Variants in AGMO observed in about 807,000 individuals in gnomAD.
AGMO encodes glyceryl-ether monooxygenase.
A neutral mutation model predicts 60.2 loss-of-function variants in AGMO; 75 were observed. The observed-to-expected ratio is 1.25, with a 90% CI of 1.03 to 1.51. AGMO has a LOEUF of 1.51. AGMO is among the 40% of genes most tolerant of loss of function. The pLI, the probability that AGMO is intolerant of heterozygous loss-of-function variation, is 0.00. For missense variants in AGMO, 763 were observed against 525.5 expected, an observed-to-expected ratio of 1.45 and a Z score of -4.42; for synonymous variants, 261 against 177.1, an observed-to-expected ratio of 1.47 and a Z score of -3.76.
chr7:15,216,157 C>A (rs1225155485), intron 12 of AGMO, among the ~76,000 whole-genome samples: 2 of 152,018 alleles, frequency 1.3e-5, no homozygotes, highest in Admixed American at 6.6e-5. Flanking sequence ...ACACATAATA[C>A]AATCACACTC....
intron 9 of AGMO, among the ~76,000 whole-genome samples, chr7:15,386,157 G>A (rs1003952499): frequency 6.7e-6 from 1 of 149,862 alleles, no homozygotes; most frequent in African/African-American, 2.5e-5. Context: ...CTCCAACCTG[G>A]GCAACAGTCC....
At chr7:15,277,552 A>T (rs1396456301) in intron 12 of AGMO, among the ~76,000 whole-genome samples, 1 of 151,628 alleles carries the variant, frequency 6.6e-6, no homozygotes, top group Non-Finnish European at 1.5e-5. Flanking sequence ...TCTATTTTAA[A>T]TTTTCTCCAT....
Position 15,555,290 on chromosome 7 carries a change from T to TACACAC in AGMO, c.257+4850_257+4851insGTGTGT, listed in dbSNP as rs1420696152. Among the ~76,000 whole-genome samples, 169 of 103,624 alleles carry TACACAC rather than the reference T, an allele frequency of 1.6e-3. 1 individual carries two copies. The highest frequency in any genetic ancestry group is 3.1e-3 in the Admixed American group (33 of 10,728). The allele number at this position is 103,624 out of a possible 152,430, so 68.0% of individuals were successfully genotyped here. A position where few individuals can be genotyped will look rare whatever the true frequency, so the allele number is the denominator to read the frequency against. ...TGGATCATATATATATATATATATA[T>TACACAC]ATACACACACACACACACACACACA... On this transcript the variant is annotated intron_variant, in intron 2 of 12. Transcript: ENST00000342526.
chr7:15,219,352 T>C (rs1781845609), intron 12 of AGMO, among the ~76,000 whole-genome samples: 1 of 152,112 alleles, frequency 6.6e-6, no homozygotes, highest in African/African-American at 2.4e-5. Context: ...CAATTAAGTA[T>C]TTATGAATGG....
At chr7:15,432,365 C>CATATATATATACATACATATATATATAT (rs1781276049) in intron 3 of AGMO, among the ~76,000 whole-genome samples, 1 of 92,784 alleles carries the variant, frequency 1.1e-5, no homozygotes, top group African/African-American at 4.0e-5. Flanking sequence ...TATATATACA[C>CATATATATATACATACATATATATATAT]ACACATATAT....
intron 12 of AGMO, among the ~76,000 whole-genome samples, chr7:15,353,203 A>C (rs1235341067): frequency 6.6e-6 from 1 of 152,172 alleles, no homozygotes. Context: ...GTAATTCACC[A>C]CGCTGACGTT....
intron 12 of AGMO, among the ~76,000 whole-genome samples, chr7:15,230,509 T>G (rs1238750220): frequency 6.6e-6 from 1 of 152,118 alleles, no homozygotes; most frequent in African/African-American, 2.4e-5. Flanking sequence ...CCAGACTTGG[T>G]GCACAGAGAG....
intron 12 of AGMO, among the ~76,000 whole-genome samples, chr7:15,333,285 C>G (rs1781554171): frequency 6.6e-6 from 1 of 152,102 alleles, no homozygotes; most frequent in Non-Finnish European, 1.5e-5. Flanking sequence ...CTTCCCCACA[C>G]ACATGAAAAA....
intron 3 of AGMO, among the ~76,000 whole-genome samples, chr7:15,503,036 G>T (rs905082530): frequency 1.3e-5 from 2 of 152,052 alleles, no homozygotes; most frequent in Admixed American, 6.6e-5. Flanking sequence ...TTTTGGAACT[G>T]AGACATTGAT....
intron 3 of AGMO, among the ~76,000 whole-genome samples, chr7:15,538,149 A>G (rs1378105966): frequency 6.6e-6 from 1 of 152,184 alleles, no homozygotes; most frequent in African/African-American, 2.4e-5. Flanking sequence ...ATCATGAGAG[A>G]AGACAAGAAA....
chr7:15,172,070 C>T, the AGMO span, among the ~76,000 whole-genome samples: 4 of 152,064 alleles, frequency 2.6e-5, no homozygotes, highest in South Asian at 6.2e-4. Context: ...CAAAGACATG[C>T]TAGAATGTTT....
intron 3 of AGMO, among the ~76,000 whole-genome samples, chr7:15,476,524 T>C (rs1332117613): frequency 6.6e-6 from 1 of 152,094 alleles, no homozygotes; most frequent in Non-Finnish European, 1.5e-5. Flanking sequence ...ATTATCTCTG[T>C]AACATTTTCT....
the AGMO span, among the ~76,000 whole-genome samples, chr7:15,173,273 A>G: frequency 6.6e-6 from 1 of 152,320 alleles, no homozygotes; most frequent in African/African-American, 2.4e-5. Flanking sequence ...AGGCATGCAC[A>G]TAAACTAATT....
At chr7:15,510,538 C>CTA (rs1472166048) in intron 3 of AGMO, among the ~76,000 whole-genome samples, 2 of 62,758 alleles carry the variant, frequency 3.2e-5, no homozygotes, top group Non-Finnish European at 7.0e-5. Context: ...ATATATATAT[C>CTA]TATATATATC....
chr7:15,547,409 G>C (rs1407868257), intron 2 of AGMO, among the ~76,000 whole-genome samples: 1 of 152,024 alleles, frequency 6.6e-6, no homozygotes, highest in Admixed American at 6.5e-5. Context: ...GAGGTACCGG[G>C]TTCATCTCAC....
At chr7:15,350,678 C>A (rs1253174743) in intron 12 of AGMO, among the ~76,000 whole-genome samples, 1 of 152,116 alleles carries the variant, frequency 6.6e-6, no homozygotes, top group East Asian at 1.9e-4. Context: ...GGAAAGCTGG[C>A]ATGAGGGATA....
rs375471235 is a variant in AGMO at position 15,406,931 on chromosome 7, G to GCACA, written c.609+11623_609+11626dup. ...GCCCCTTTGTTTGGAATACACACGC[G>GCACA]CACACACACACACACACACACGTAT... On this transcript the variant is annotated intron_variant, in intron 5 of 12. Coordinates refer to ENST00000342526, the MANE Select transcript of AGMO (RefSeq NM_001004320.2). Among the ~76,000 whole-genome samples, 321 of 94,474 alleles carry GCACA rather than the reference G, an allele frequency of 3.4e-3. 16 individuals are homozygous for GCACA. Among genetic ancestry groups the GCACA allele is most frequent in the African/African-American group, 0.012 (300 of 24,978 alleles). The allele number at this position is 94,474 out of a possible 152,430, so 62.0% of individuals were successfully genotyped here.
chr7:15,547,856 G>C (rs1329627957), intron 2 of AGMO, among the ~76,000 whole-genome samples: 1 of 151,996 alleles, frequency 6.6e-6, no homozygotes, highest in Admixed American at 6.5e-5. Flanking sequence ...CTCCACCTCT[G>C]GGGGCAGGGC....
chr7:15,356,659 T>C (rs1782540235), intron 12 of AGMO, among the ~76,000 whole-genome samples: 1 of 152,024 alleles, frequency 6.6e-6, no homozygotes, highest in South Asian at 2.1e-4. Context: ...TTGACTGGTA[T>C]TATATAATTT....
Sources: gnomAD v4.1 joint callset for allele counts (sites outside exome capture counted in the v4.1 genomes callset) on GRCh38, gnomAD v4.1.1 for gene constraint, MANE v1.5 for transcripts, NCBI Gene and HGNC (gene_info 2026-07-23, HGNC 2026-07-21) for gene names.